The following SMIM35 variants were observed in gnomAD, a reference collection of about 807,000 sequenced individuals.
SMIM35 encodes the protein small integral membrane protein 35.
intron 1 of SMIM35, among the ~76,000 whole-genome samples, chr11:118,076,713 T>G (rs1452408773): frequency 6.6e-6 from 1 of 152,110 alleles, no homozygotes; most frequent in Non-Finnish European, 1.5e-5. Context: ...CACCTGGCAA[T>G]GATCTCTTTG....
At chr11:118,041,772 C>G (rs372706036) in intron 1 of SMIM35, among the ~76,000 whole-genome samples, 1 of 151,992 alleles carries the variant, frequency 6.6e-6, no homozygotes, top group Admixed American at 6.6e-5. Context: ...AAACACAGGC[C>G]GGGCACAGTG....
chr11:118,085,392 T>C (rs541177184), intron 1 of SMIM35, among the ~76,000 whole-genome samples: 239 of 151,986 alleles, frequency 1.6e-3, no homozygotes, highest in Non-Finnish European at 2.8e-3. Context: ...CCCAGCTAAT[T>C]TTTTGTATTT....
At chr11:118,044,088 C>T (rs1448991068) in intron 1 of SMIM35, among the ~76,000 whole-genome samples, 3 of 151,936 alleles carry the variant, frequency 2.0e-5, no homozygotes, top group Admixed American at 1.3e-4. Context: ...TCTAAATTAT[C>T]CCCTGGAGAG....
chr11:118,040,164 C>T (rs1026982907), intron 1 of SMIM35, among the ~76,000 whole-genome samples: 17 of 151,768 alleles, frequency 1.1e-4, no homozygotes, highest in South Asian at 4.2e-4. Context: ...TGCAGTGAGC[C>T]GAGATCATGC....
chr11:118,061,591 C>G (rs920933205), intron 1 of SMIM35, among the ~76,000 whole-genome samples: 1 of 152,100 alleles, frequency 6.6e-6, no homozygotes, highest in Non-Finnish European at 1.5e-5. Context: ...GGATACTTCA[C>G]CTGAGCCCTG....
rs979546441 is a variant in SMIM35 at position 118,039,679 on chromosome 11, C to T, written c.8-23870G>A. Among the ~76,000 whole-genome samples, 5 of 151,836 alleles carry T rather than the reference C, an allele frequency of 3.3e-5. No individual in the cohort carries two copies. In the East Asian group the frequency reaches 9.7e-4, roughly 29 times the overall value. On this transcript the variant is annotated intron_variant, in intron 1 of 4. Transcript: ENST00000689828. ...GAGCCATGACCACACCACTGCACTCCAGCCTGGGTGACAGAGCGAGACCCT... is the reference window on the plus strand; with the variant it reads ...GAGCCATGACCACACCACTGCACTCTAGCCTGGGTGACAGAGCGAGACCCT...
At chr11:118,040,486 G>C (rs904402682) in intron 1 of SMIM35, among the ~76,000 whole-genome samples, 1 of 152,154 alleles carries the variant, frequency 6.6e-6, no homozygotes, top group Non-Finnish European at 1.5e-5. Flanking sequence ...AAAGTCCTAC[G>C]TTTAGCAAAG....
intron 1 of SMIM35, among the ~76,000 whole-genome samples, chr11:118,072,897 T>C (rs1409586294): frequency 2.0e-5 from 3 of 152,152 alleles, no homozygotes; most frequent in African/African-American, 7.2e-5. Flanking sequence ...CACCAAACAC[T>C]TCACATGGAA....
intron 1 of SMIM35, among the ~76,000 whole-genome samples, chr11:118,060,525 G>A (rs559843247): frequency 4.6e-5 from 7 of 152,332 alleles, no homozygotes; most frequent in African/African-American, 1.7e-4. Flanking sequence ...GGGCCAGGCA[G>A]CCCTGGGAAG....
intron 1 of SMIM35, among the ~76,000 whole-genome samples, chr11:118,068,579 A>G (rs1944521786): frequency 6.6e-6 from 1 of 152,200 alleles, no homozygotes; most frequent in African/African-American, 2.4e-5. Context: ...AAGAACTTTC[A>G]TTCTCAGCCT....
At chr11:118,064,158 G>A (rs1944432525) in intron 1 of SMIM35, among the ~76,000 whole-genome samples, 1 of 152,240 alleles carries the variant, frequency 6.6e-6, no homozygotes, top group Non-Finnish European at 1.5e-5. Flanking sequence ...GCTTACTGGT[G>A]TGTGGGGAGA....
intron 1 of SMIM35, among the ~76,000 whole-genome samples, chr11:118,058,559 G>T (rs958688997): frequency 2.6e-5 from 4 of 152,200 alleles, no homozygotes; most frequent in African/African-American, 9.7e-5. Context: ...ACCAGGCTTG[G>T]AGTAGAAGCG....
At chr11:118,079,913 G>A (rs977506645) in intron 1 of SMIM35, among the ~76,000 whole-genome samples, 1 of 152,200 alleles carries the variant, frequency 6.6e-6, no homozygotes, top group African/African-American at 2.4e-5. Flanking sequence ...AGGTCCTAAA[G>A]GGCAAGACAG....
chr11:118,010,828 C>T (rs1024514358), intron 4 of SMIM35, among the ~76,000 whole-genome samples: 3 of 152,186 alleles, frequency 2.0e-5, no homozygotes, highest in Non-Finnish European at 4.4e-5. Flanking sequence ...CCTCTGGGCT[C>T]TTAGGGCCAG....
At chr11:118,079,290 G>A (rs958800047) in intron 1 of SMIM35, among the ~76,000 whole-genome samples, 1 of 152,104 alleles carries the variant, frequency 6.6e-6, no homozygotes, top group Non-Finnish European at 1.5e-5. Flanking sequence ...CCCAGGCTCA[G>A]CCCTCCCTTC....
chr11:118,083,073 G>A (rs1945279339), intron 1 of SMIM35, among the ~76,000 whole-genome samples: 1 of 152,148 alleles, frequency 6.6e-6, no homozygotes, highest in Non-Finnish European at 1.5e-5. Context: ...GCCGCTGCGG[G>A]GCTCGGTCGA....
intron 1 of SMIM35, among the ~76,000 whole-genome samples, chr11:118,044,315 G>GAAAAAAA: frequency 7.4e-6 from 1 of 134,538 alleles, no homozygotes; most frequent in African/African-American, 2.8e-5. Flanking sequence ...TGGCAGAATT[G>GAAAAAAA]AAAAAAAAAA....
At chr11:118,028,831 G>A in intron 1 of SMIM35, 1 of 451,228 alleles carries the variant, frequency 2.2e-6, no homozygotes, top group East Asian at 7.0e-5. Context: ...AAGTAGAAGG[G>A]GAAAAGGAGA....
intron 1 of SMIM35, among the ~76,000 whole-genome samples, chr11:118,053,355 A>ACACAC (rs1565393100): frequency 2.3e-5 from 3 of 130,922 alleles, no homozygotes; most frequent in East Asian, 2.3e-4. Context: ...CACACACACA[A>ACACAC]AGCTTACTAG....
Sources: gnomAD v4.1 joint callset for allele counts (sites outside exome capture counted in the v4.1 genomes callset) on GRCh38, gnomAD v4.1.1 for gene constraint, MANE v1.5 for transcripts, NCBI Gene and HGNC (gene_info 2026-07-23, HGNC 2026-07-21) for gene names.